The following ZNF692 variants were observed in gnomAD, a reference collection of about 807,000 sequenced individuals.
The protein encoded by ZNF692 is AICAR responsive element binding protein.
Under a neutral mutation model 49.0 loss-of-function variants are expected in ZNF692, and 41 were observed. The ratio of observed to expected loss-of-function variants is 0.84; its 90% confidence interval spans 0.65 to 1.08. The LOEUF is 1.08. Among genes scored for constraint, ZNF692 ranks in the 50% least tolerant of loss-of-function variants. The pLI is 0.00. For missense variants in ZNF692, 662 were observed against 662.2 expected, an observed-to-expected ratio of 1.00 and a Z score of 0.00; for synonymous variants, 288 against 251.5, an observed-to-expected ratio of 1.15 and a Z score of -1.37.
intron 9 of ZNF692, 61 bp from the exon 10 acceptor site, chr1:248,854,112 G>C (rs1338244450): frequency 1.6e-6 from 2 of 1,277,676 alleles, no homozygotes; most frequent in African/African-American, 1.5e-5. Flanking sequence ...CTTCCACGGA[G>C]AGATGAACTG....
chr1:248,854,169 G>C, intron 9 of ZNF692, 118 bp from the exon 10 acceptor site: 3 of 720,332 alleles, frequency 4.2e-6, no homozygotes, highest in Non-Finnish European at 7.3e-6. Flanking sequence ...TGGCCCCTGT[G>C]CCCCAGCAGT....
At chr1:248,852,299 C>T (rs370460010) in intron 10 of ZNF692, among the ~76,000 whole-genome samples, 1 of 152,174 alleles carries the variant, frequency 6.6e-6, no homozygotes, top group Admixed American at 6.5e-5. Flanking sequence ...TTTCTAAAGT[C>T]GCCAAGAAAC....
chr1:248,852,273 T>C (rs1446833742), intron 10 of ZNF692, among the ~76,000 whole-genome samples: 1 of 152,200 alleles, frequency 6.6e-6, no homozygotes, highest in Non-Finnish European at 1.5e-5. Context: ...ACTAGCCTTA[T>C]TCAGCAGTGC....
rs1167457778 is a variant in ZNF692, at chr1:248,857,473, C to T, written c.236G>A (p.Gly79Asp). The change falls in exon 4 of 12, where the codon GGT (glycine) becomes GAT (aspartate). Residue 79 changes from glycine to aspartate, a missense_variant. Coordinates refer to ENST00000306601, the MANE Select transcript of ZNF692 (RefSeq NM_017865.4). ...CAGPEPLPPK[G>D]LQYLVLLSHA... is the part of the protein sequence containing the mutation. ...AGACAAGAGCACCAGATACTGCAGACCTTTTGGAGGCAAAGGCTCAGGACC... is the reference window on the plus strand; with the variant it reads ...AGACAAGAGCACCAGATACTGCAGATCTTTTGGAGGCAAAGGCTCAGGACC... 1 of 1,613,644 alleles carries T rather than the reference C, an allele frequency of 6.2e-7. No homozygotes were observed. The highest frequency in any genetic ancestry group is 1.3e-5 in the African/African-American group (1 of 74,888).
intron 6 of ZNF692, 107 bp downstream of exon 6, chr1:248,856,181 T>G (rs1660214119): frequency 1.4e-6 from 2 of 1,404,464 alleles, no homozygotes; most frequent in East Asian, 2.3e-5. Flanking sequence ...AAACCCACCC[T>G]TCCCTCCACA....
intron 3 of ZNF692, 96 bp downstream of exon 3, chr1:248,857,732 A>G (rs1158635057): frequency 6.5e-7 from 1 of 1,540,594 alleles, no homozygotes; most frequent in African/African-American, 1.4e-5. Flanking sequence ...ACCCTTCCCA[A>G]ACTTACTCAG....
chr1:248,858,108 A>C lies in ZNF692; in HGVS notation c.179+23T>G. The C allele has an allele frequency of 6.4e-7, 1 of 1,557,620 alleles. No homozygotes were observed. The highest frequency in any genetic ancestry group is 2.3e-5 in the East Asian group (1 of 44,154). ...GGCTGCTGCCTGGGTACCCTCCCCC[A>C]AGCCCTTCTCCCGGCCCCTAACCGG... On this transcript the variant is annotated intron_variant, in intron 2 of 11. Transcript: ENST00000306601. The surrounding 1 kb of genome is among the most constrained non-coding windows in gnomAD (Gnocchi z 4.3).
chr1:248,853,163 T>C (rs924371529), intron 10 of ZNF692, among the ~76,000 whole-genome samples: 9 of 152,194 alleles, frequency 5.9e-5, no homozygotes, highest in Non-Finnish European at 1.0e-4. Context: ...TGGCTCCATC[T>C]GCACACACAC....
rs1448945804 is a variant in ZNF692, at chr1:248,855,780, G to T, written c.826C>A (p.Gln276Lys). The T allele has an allele frequency of 6.2e-7, 1 of 1,614,080 alleles. No homozygotes were observed. Among genetic ancestry groups the T allele is most frequent in the East Asian group, 2.2e-5 (1 of 44,900 alleles). ...RAPPPAEVRV[Q>K]PQLSRTPQAA... is the part of the protein sequence containing the mutation. ...TGAGGGGTCCTGCTGAGCTGTGGCTGCACCCTGACTTCTGCAGGTGGAGGA... is the reference window on the plus strand; with the variant it reads ...TGAGGGGTCCTGCTGAGCTGTGGCTTCACCCTGACTTCTGCAGGTGGAGGA... Residue 276 changes from glutamine to lysine, a missense_variant, in exon 7 of 12, where the codon CAG becomes AAG. Transcript: ENST00000306601.
In ZNF692 at chr1:248,850,501, C is replaced by A. The variant is rs1411980698; in HGVS notation, c.1269G>T (p.Gly423=). ...GGGAAGCCTTCTGGCGGCAGGTAAA[C>A]CCGCATATCTCACACCTGGAGTCAG... is the stretch of plus-strand genomic sequence containing the variant. ...GEKPLQCEIC[G]FTCRQKASLN... is the part of the protein sequence containing the mutation. Residue 423 remains glycine (G), a synonymous_variant, in exon 12 of 12, where the codon GGG becomes GGT. Coordinates refer to ENST00000306601, the MANE Select transcript of ZNF692 (RefSeq NM_017865.4). The A allele has an allele frequency of 2.5e-6, 4 of 1,607,924 alleles. No homozygotes were observed. The highest frequency in any genetic ancestry group is 1.7e-5 in the Admixed American group (1 of 59,764).
At chr1:248,850,604 G>T in intron 11 of ZNF692, 78 bp downstream of exon 11, 1 of 1,601,206 alleles carries the variant, frequency 6.2e-7, no homozygotes, top group Non-Finnish European at 8.5e-7. Context: ...CACTGCCTAG[G>T]TGTCCTATAT....
At position 248,850,461 on chromosome 1, in the gene ZNF692, G is replaced by A. The variant is rs756911914; in HGVS notation, c.1309C>T (p.Arg437Cys). ...GCAGCCACCGTCTCTGCATGCTTGC[G>A]CTGGTGCCAGTTCAGGGAAGCCTTC... ...RQKASLNWHQRKHAETVAALR... is the reference protein window; with the variant it reads ...RQKASLNWHQCKHAETVAALR... Residue 437 changes from arginine to cysteine, a missense_variant, in exon 12 of 12, where the codon CGC (arginine) becomes TGC (cysteine). Transcript: ENST00000306601. The A allele has an allele frequency of 4.3e-6, 7 of 1,613,428 alleles. No individual in the cohort carries two copies. The highest frequency in any genetic ancestry group is 1.7e-5 in the Admixed American group (1 of 59,988).
At chr1:248,857,761 G>A (rs2103067391) in intron 3 of ZNF692, 67 bp downstream of exon 3, 2 of 1,582,096 alleles carry the variant, frequency 1.3e-6, no homozygotes, top group East Asian at 2.3e-5. Flanking sequence ...TTGAAAGGAG[G>A]GTGTTTCTGG....
In ZNF692 at chr1:248,851,596, C is replaced by G. The variant is rs982227664; in HGVS notation, c.1154-815G>C. 4.6e-5 allele frequency among the ~76,000 whole-genome samples: 7 copies of G among 152,174 alleles called. No homozygotes were observed. In the East Asian group the frequency reaches 9.7e-4, roughly 21 times the overall value. ...TCCTCCTTTGGCCCCATCACTCCCC[C>G]TCCATCCACACAACTCTAGGTTCAG... On this transcript the variant is annotated intron_variant, in intron 10 of 11. Coordinates refer to ENST00000306601, the MANE Select transcript of ZNF692 (RefSeq NM_017865.4).
intron 3 of ZNF692, 34 bp downstream of exon 3, chr1:248,857,794 C>T (rs754011802): frequency 1.9e-6 from 3 of 1,611,708 alleles, no homozygotes; most frequent in East Asian, 4.5e-5. Flanking sequence ...TCCCTCTTCC[C>T]TCTGGCTCTC....
Position 248,857,226 on chromosome 1 carries a change from C to G in ZNF692, c.475+8G>C. 6.3e-7 allele frequency: 1 copy of G among 1,599,596 alleles called. No homozygotes were observed. The highest frequency in any genetic ancestry group is 1.1e-5 in the South Asian group (1 of 89,096). Reference sequence around the variant, plus strand: ...TTTTCTCCATAACTCTGCTTTTTTCCAGCCTACCTGCAAGCTCCTGCCCAC... The same window carrying G: ...TTTTCTCCATAACTCTGCTTTTTTCGAGCCTACCTGCAAGCTCCTGCCCAC... On this transcript the variant is annotated splice_region_variant and intron_variant, in intron 4 of 11. Transcript: ENST00000306601.
In ZNF692 at chr1:248,857,410, A is replaced by G; in HGVS notation, c.299T>C (p.Leu100Pro). 1.2e-6 allele frequency: 2 copies of G among 1,614,104 alleles called. No individual in the cohort carries two copies. Among genetic ancestry groups the G allele is most frequent in the South Asian group, 2.2e-5 (2 of 91,074 alleles). ...CCCATCTTGGCCGCCAGGCCCCCGA[A>G]GCCCGGGCACCAGGCTGCACTCTCG... Reference protein sequence around the residue: ...HSRECSLVPGLRGPGGQDGGL... With the variant: ...HSRECSLVPGPRGPGGQDGGL... The change falls in exon 4 of 12, where the codon CTT becomes CCT. Residue 100 changes from leucine to proline, a missense_variant. Physicochemically the swap from Leu to Pro is moderately conservative, Grantham distance 98. Transcript: ENST00000306601.
At chr1:248,855,287 T>C (rs12135449) in intron 9 of ZNF692, 93 bp downstream of exon 9, 271,750 of 1,274,122 alleles carry the variant, frequency 0.21, 45,314 homozygotes, top group African/African-American at 0.79. Flanking sequence ...TGGTTCTGAA[T>C]CCTCCCATGC....
In ZNF692 at chr1:248,855,461, GA is replaced by G. The variant is rs1308275555; in HGVS notation, c.960-4del. The stretch of plus-strand genomic sequence containing the variant: ...TCAGCTCTCTTTTGGCAGCTTTCCT[GA>G]GGAGAAGAATGGAAAGGAGCAGCAT... On this transcript the variant is annotated splice_region_variant and splice_polypyrimidine_tract_variant and intron_variant, in intron 8 of 11. Coordinates refer to ENST00000306601, the MANE Select transcript of ZNF692 (RefSeq NM_017865.4). The G allele has an allele frequency of 4.3e-6, 7 of 1,614,048 alleles. No homozygotes were observed. Among genetic ancestry groups the G allele is most frequent in the Non-Finnish European group, 5.1e-6 (6 of 1,179,988 alleles).
Sources: allele counts gnomAD v4.1 joint callset (sites outside exome capture counted in the v4.1 genomes callset), GRCh38; gene constraint gnomAD v4.1.1; non-coding constraint Gnocchi (gnomAD v3.1); transcripts MANE v1.5; gene names NCBI Gene and HGNC (gene_info 2026-07-23, HGNC 2026-07-21).